SNX29: variants seen among roughly 807,000 people sequenced by gnomAD.
SNX29 encodes sorting nexin-29.
A neutral mutation model predicts 102.1 loss-of-function variants in SNX29; 78 were observed. The ratio of observed to expected loss-of-function variants is 0.76; its 90% CI spans 0.64 to 0.92. The LOEUF is 0.92. SNX29 is among the 40% of genes least tolerant of loss of function. The pLI, the probability that SNX29 is intolerant of heterozygous loss-of-function variation, is 0.00. For missense variants in SNX29, 1,280 were observed against 1,061.7 expected (o/e 1.21, Z -2.86); for synonymous variants, 580 against 414.5 (o/e 1.40, Z -4.85).
At chr16:12,522,293 G>C (rs1036621531) in intron 19 of SNX29, among the ~76,000 whole-genome samples, 1 of 152,156 alleles carries the variant, frequency 6.6e-6, no homozygotes, top group African/African-American at 2.4e-5. Context: ...ACTGGGTGCC[G>C]TGTATTCTCA....
At chr16:12,322,801 GA>G (rs2080983238) in intron 15 of SNX29, among the ~76,000 whole-genome samples, 1 of 82,178 alleles carries the variant, frequency 1.2e-5, no homozygotes, top group African/African-American at 3.9e-5. Flanking sequence ...CCACTGTCAG[GA>G]TATGGTCACT....
chr16:12,545,034 G>A (rs1567685252), intron 20 of SNX29, among the ~76,000 whole-genome samples: 1 of 152,162 alleles, frequency 6.6e-6, no homozygotes, highest in African/African-American at 2.4e-5. Flanking sequence ...TCAGTAGCCA[G>A]GTCTGTGATG....
At chr16:12,121,884 C>T (rs9936270) in intron 11 of SNX29, among the ~76,000 whole-genome samples, 35,082 of 152,156 alleles carry the variant, frequency 0.23, 4,111 homozygotes, top group Middle Eastern at 0.31. Context: ...CTGCAACCTC[C>T]ACCTCCCTGC....
chr16:12,568,692 G>C lies in SNX29; in HGVS notation c.*63G>C, dbSNP rs1429830547. On this transcript the variant is annotated 3_prime_UTR_variant, in exon 21 of 21. Transcript: ENST00000566228. Reference sequence around the variant, plus strand: ...ACCAGCTGCGTCCACCCCAGCCACTGCCGCTGGCCCCTCACCTCAGCGTGA... The same window carrying C: ...ACCAGCTGCGTCCACCCCAGCCACTCCCGCTGGCCCCTCACCTCAGCGTGA... The C allele has an allele frequency of 6.3e-7, 1 of 1,577,512 alleles. No individual in the cohort carries two copies. Among genetic ancestry groups the C allele is most frequent in the African/African-American group, 1.3e-5 (1 of 74,444 alleles).
At chr16:12,218,321 A>G (rs1269242224) in intron 14 of SNX29, among the ~76,000 whole-genome samples, 1 of 149,832 alleles carries the variant, frequency 6.7e-6, no homozygotes, top group Non-Finnish European at 1.5e-5. Flanking sequence ...ACACAAATCT[A>G]CTCCACAAAC....
At chr16:12,363,483 A>C (rs565388015) in intron 16 of SNX29, among the ~76,000 whole-genome samples, 1 of 152,122 alleles carries the variant, frequency 6.6e-6, no homozygotes, top group Non-Finnish European at 1.5e-5. Flanking sequence ...CTCCTCTTCT[A>C]TCTGCTGGGA....
Position 12,129,678 on chromosome 16 carries a change from C to A in SNX29, c.1515C>A (p.Leu505=), listed in dbSNP as rs745450295. 6.2e-7 allele frequency: 1 copy of A among 1,611,172 alleles called. No individual in the cohort carries two copies. The highest frequency in any genetic ancestry group is 8.5e-7 in the Non-Finnish European group (1 of 1,179,560). ...GTGAGATGGAGCACTCAGCCGCGCT[C>A]CGGCAAGAGGTGGACACCTTGAAAA... The part of the protein sequence containing the change: ...LDGEMEHSAA[L]RQEVDTLKRK... The change falls in exon 13 of 21, where the codon CTC becomes CTA. Residue 505 remains leucine (L), a synonymous_variant. Transcript: ENST00000566228.
At chr16:12,267,646 C>G (rs989065962) in intron 14 of SNX29, among the ~76,000 whole-genome samples, 2 of 152,156 alleles carry the variant, frequency 1.3e-5, no homozygotes, top group Admixed American at 6.5e-5. Flanking sequence ...CAGGGCTGTC[C>G]GGAAAGAGCA....
intron 3 of SNX29, among the ~76,000 whole-genome samples, chr16:12,026,267 A>T: frequency 6.6e-6 from 1 of 152,158 alleles, no homozygotes; most frequent in Non-Finnish European, 1.5e-5. Context: ...GCCACCTGCC[A>T]TCTCATCCTG....
chr16:12,532,643 A>T lies in SNX29; in HGVS notation c.2318+7802A>T, dbSNP rs114571040. On this transcript the variant is annotated intron_variant, in intron 20 of 20. Coordinates refer to ENST00000566228, the MANE Select transcript of SNX29 (RefSeq NM_032167.5). ...CTTTGGGATGCGATTTCCTGATATA[A>T]AACGTGGAATTGGCTGACATATGGG... 5.5e-3 allele frequency among the ~76,000 whole-genome samples: 834 copies of T among 152,290 alleles called. 9 individuals are homozygous for T. Among genetic ancestry groups the T allele is most frequent in the African/African-American group, 0.019 (804 of 41,552 alleles).
At chr16:12,482,792 AT>A (rs2088008642) in intron 19 of SNX29, among the ~76,000 whole-genome samples, 2 of 152,190 alleles carry the variant, frequency 1.3e-5, no homozygotes, top group South Asian at 4.1e-4. Context: ...ATCATTGGTG[AT>A]TGTCTGACAG....
chr16:12,021,140 A>C (rs1033477177), intron 3 of SNX29, among the ~76,000 whole-genome samples: 1 of 152,146 alleles, frequency 6.6e-6, no homozygotes, highest in African/African-American at 2.4e-5. Context: ...ACATAGTAAA[A>C]GAATTGCCGG....
chr16:12,219,349 T>A lies in SNX29; in HGVS notation c.1678+19666T>A, dbSNP rs534381195. Among the ~76,000 whole-genome samples the A allele has an allele frequency of 3.9e-5, 6 of 152,268 alleles. 1 individual carries two copies. The South Asian group carries it at 1.2e-3, about 32-fold the overall frequency. ...ACAGTAAGAAATACTCTTTTAAGCA[T>A]ACACATATGTGTATATAGTCATTGA... On this transcript the variant is annotated intron_variant, in intron 14 of 20. Coordinates refer to ENST00000566228, the MANE Select transcript of SNX29 (RefSeq NM_032167.5).
At chr16:12,378,670 A>C (rs201509062) in intron 16 of SNX29, among the ~76,000 whole-genome samples, 1 of 152,200 alleles carries the variant, frequency 6.6e-6, no homozygotes, top group Non-Finnish European at 1.5e-5. Flanking sequence ...ATGAATTTCA[A>C]CATGAGGTTT....
At chr16:12,185,792 A>T (rs2076496152) in intron 13 of SNX29, among the ~76,000 whole-genome samples, 1 of 152,230 alleles carries the variant, frequency 6.6e-6, no homozygotes, top group Non-Finnish European at 1.5e-5. Flanking sequence ...CAACAACTGC[A>T]ACTGTGCAGC....
At chr16:12,541,585 C>T (rs556305951) in intron 20 of SNX29, among the ~76,000 whole-genome samples, 1 of 152,156 alleles carries the variant, frequency 6.6e-6, no homozygotes, top group Non-Finnish European at 1.5e-5. Flanking sequence ...CATGCCAGAC[C>T]TCAACCCTGA....
At chr16:11,978,763 C>G (rs939042963) in intron 1 of SNX29, among the ~76,000 whole-genome samples, 1 of 151,946 alleles carries the variant, frequency 6.6e-6, no homozygotes, top group Non-Finnish European at 1.5e-5. Context: ...GTTTATCTTT[C>G]AAGGAGAAAT....
At chr16:12,328,845 A>T in intron 15 of SNX29, among the ~76,000 whole-genome samples, 1 of 152,098 alleles carries the variant, frequency 6.6e-6, no homozygotes, top group Non-Finnish European at 1.5e-5. Flanking sequence ...GACAATTCTG[A>T]GAATGCTGGC....
rs12598031 is a variant in SNX29, at chr16:12,158,243, A to G, written c.1595+28485A>G. ...GAGAGAGGGTCTCGCTCTGGCACCC[A>G]GGCTGGAGTGCAGTGGCGCAATCTC... is the stretch of plus-strand genomic sequence containing the variant. On this transcript the variant is annotated intron_variant, in intron 13 of 20. Transcript: ENST00000566228. Among the ~76,000 whole-genome samples, 14 of 152,146 alleles carry G rather than the reference A, an allele frequency of 9.2e-5. No individual in the cohort carries two copies. The East Asian group carries it at 2.1e-3, about 23-fold the overall frequency.
Sources: gnomAD v4.1 joint callset for allele counts (sites outside exome capture counted in the v4.1 genomes callset) on GRCh38, gnomAD v4.1.1 for gene constraint, MANE v1.5 for transcripts, NCBI Gene and HGNC (gene_info 2026-07-23, HGNC 2026-07-21) for gene names.